The following CALCR variants were observed in gnomAD, a reference collection of about 807,000 sequenced individuals.
CALCR encodes the protein calcitonin receptor.
A neutral mutation model predicts 59.5 loss-of-function variants in CALCR; 47 were observed. The ratio of observed to expected loss-of-function variants is 0.79; its 90% CI spans 0.63 to 1.01. The LOEUF (loss-of-function observed/expected upper bound fraction) is 1.01. Among genes scored for constraint, CALCR ranks in the 50% least tolerant of loss-of-function variants. The pLI, the probability that CALCR is intolerant of heterozygous loss-of-function variation, is 0.00. For synonymous variants in CALCR, 213 were observed against 211.3 expected (o/e 1.01, Z -0.07); for missense variants, 566 against 597.1 (o/e 0.95, Z 0.54).
intron 9 of CALCR, among the ~76,000 whole-genome samples, chr7:93,442,370 TC>T (rs1799924951): frequency 6.6e-6 from 1 of 152,148 alleles, no homozygotes; most frequent in Non-Finnish European, 1.5e-5. Flanking sequence ...TATCGGATTA[TC>T]CCATTGGGCT....
chr7:93,472,837 A>AT (rs1205024011), intron 5 of CALCR, among the ~76,000 whole-genome samples: 21 of 151,798 alleles, frequency 1.4e-4, no homozygotes, highest in Non-Finnish European at 2.8e-4. Flanking sequence ...CTACCTCATA[A>AT]TTTTTTAACA....
At chr7:93,546,581 T>C (rs1026129935) in intron 2 of CALCR, among the ~76,000 whole-genome samples, 2 of 151,812 alleles carry the variant, frequency 1.3e-5, no homozygotes, top group African/African-American at 2.4e-5. Context: ...CTTTTCTTTT[T>C]TTTTTTTTTA....
In CALCR at chr7:93,491,673, C is replaced by A. The variant is rs147207592; in HGVS notation, c.-26-4666G>T. Among the ~76,000 whole-genome samples, 578 of 151,896 alleles carry A rather than the reference C, an allele frequency of 3.8e-3. 6 individuals are homozygous for A. Among genetic ancestry groups the A allele is most frequent in the South Asian group, 0.013 (65 of 4,816 alleles). Reference sequence around the variant, plus strand: ...TAAAGCTCAACATCACTGATCATTACAGAAATGTAAATCAAAACCACAGTG... The same window carrying A: ...TAAAGCTCAACATCACTGATCATTAAAGAAATGTAAATCAAAACCACAGTG... On this transcript the variant is annotated intron_variant, in intron 2 of 13. Coordinates refer to ENST00000426151, the MANE Select transcript of CALCR (RefSeq NM_001742.4).
At chr7:93,490,108 G>A (rs111531244) in intron 2 of CALCR, among the ~76,000 whole-genome samples, 7 of 151,858 alleles carry the variant, frequency 4.6e-5, no homozygotes, top group Admixed American at 2.6e-4. Context: ...TTCAACATAC[G>A]CAAATCAATA....
intron 2 of CALCR, among the ~76,000 whole-genome samples, chr7:93,514,188 T>C (rs548864550): frequency 6.6e-6 from 1 of 152,094 alleles, no homozygotes; most frequent in South Asian, 2.1e-4. Context: ...TATGCTCAAT[T>C]AAGAGATAAG....
chr7:93,496,444 C>T (rs1218962028), intron 2 of CALCR, among the ~76,000 whole-genome samples: 1 of 151,490 alleles, frequency 6.6e-6, no homozygotes, highest in East Asian at 1.9e-4. Flanking sequence ...ATGGCAATTT[C>T]TAAACCACTC....
intron 2 of CALCR, among the ~76,000 whole-genome samples, chr7:93,494,722 G>C (rs1801161249): frequency 6.6e-6 from 1 of 151,380 alleles, no homozygotes; most frequent in Admixed American, 6.6e-5. Context: ...TCCTGAGGAG[G>C]GGAGAAGAAA....
At chr7:93,551,107 T>G (rs948599904) in intron 2 of CALCR, among the ~76,000 whole-genome samples, 1 of 152,182 alleles carries the variant, frequency 6.6e-6, no homozygotes, top group Non-Finnish European at 1.5e-5. Flanking sequence ...TCAAAATATA[T>G]TTCTACAAAT....
intron 13 of CALCR, among the ~76,000 whole-genome samples, chr7:93,429,942 G>GC (rs1562924062): frequency 1.6e-4 from 15 of 92,514 alleles, no homozygotes; most frequent in Non-Finnish European, 3.4e-4. Context: ...TTGTTTTTTT[G>GC]TTTTTTTTTG....
chr7:93,542,376 T>C (rs1006306719), intron 2 of CALCR, among the ~76,000 whole-genome samples: 21 of 152,212 alleles, frequency 1.4e-4, no homozygotes, highest in Non-Finnish European at 1.3e-4. Context: ...AGTAGAAATA[T>C]AGTTTAAAAG....
chr7:93,456,880 C>T (rs1308907631), intron 8 of CALCR, among the ~76,000 whole-genome samples: 1 of 152,130 alleles, frequency 6.6e-6, no homozygotes, highest in East Asian at 1.9e-4. Flanking sequence ...CTGTTAATTT[C>T]TCTGGCTCCC....
intron 2 of CALCR, among the ~76,000 whole-genome samples, chr7:93,534,878 G>T (rs1788946163): frequency 6.6e-6 from 1 of 151,634 alleles, no homozygotes; most frequent in South Asian, 2.1e-4. Flanking sequence ...AAATACAAAA[G>T]ACAACATTTA....
At chr7:93,562,101 A>G (rs1789764156) in intron 2 of CALCR, among the ~76,000 whole-genome samples, 1 of 147,666 alleles carries the variant, frequency 6.8e-6, no homozygotes, top group Non-Finnish European at 1.5e-5. Context: ...CCTTCAATAA[A>G]TGTTAGTTTT....
intron 7 of CALCR, chr7:93,462,129 T>A: frequency 7.1e-7 from 1 of 1,401,970 alleles, no homozygotes; most frequent in Non-Finnish European, 9.7e-7. Context: ...AAAAGCAATT[T>A]AAGTAATAAA....
At chr7:93,431,620 T>C (rs1456188824) in intron 13 of CALCR, among the ~76,000 whole-genome samples, 1 of 152,188 alleles carries the variant, frequency 6.6e-6, no homozygotes, top group Admixed American at 6.5e-5. Context: ...GCTTTTTGAA[T>C]TGACTGAATA....
rs962184869 is a variant in CALCR at position 93,435,637 on chromosome 7, G to A, written c.1149+315C>T. ...AGCCTGGCCAACATGGTGAAACCCCGTCTACTAAAAATACAAAAATTAGCC... is the reference window on the plus strand; with the variant it reads ...AGCCTGGCCAACATGGTGAAACCCCATCTACTAAAAATACAAAAATTAGCC... On this transcript the variant is annotated intron_variant, in intron 12 of 13. Transcript: ENST00000426151. 6.6e-5 allele frequency among the ~76,000 whole-genome samples: 10 copies of A among 151,520 alleles called. No homozygotes were observed. In the East Asian group the frequency reaches 1.2e-3, roughly 18 times the overall value.
rs556919604 is a variant in CALCR at position 93,562,506 on chromosome 7, T to C, written c.-27+11783A>G. Among the ~76,000 whole-genome samples the C allele has an allele frequency of 8.5e-4, 129 of 152,320 alleles. 1 individual carries two copies. The highest frequency in any genetic ancestry group is 3.0e-3 in the African/African-American group (123 of 41,578). On this transcript the variant is annotated intron_variant, in intron 2 of 13. Coordinates refer to ENST00000426151, the MANE Select transcript of CALCR (RefSeq NM_001742.4). Reference sequence around the variant, plus strand: ...TTGGATATGAGTAAGATGAGTATGATGGTAAGACCAGACATACTTGCTTTC... The same window carrying C: ...TTGGATATGAGTAAGATGAGTATGACGGTAAGACCAGACATACTTGCTTTC...
intron 8 of CALCR, among the ~76,000 whole-genome samples, chr7:93,454,763 T>TTA (rs1554397050): frequency 1.3e-5 from 2 of 151,810 alleles, no homozygotes; most frequent in African/African-American, 4.8e-5. Context: ...TAACTTTTTT[T>TTA]AAAAAAAGAA....
chr7:93,538,260 A>G (rs1200181835), intron 2 of CALCR, among the ~76,000 whole-genome samples: 1 of 152,034 alleles, frequency 6.6e-6, no homozygotes, highest in Non-Finnish European at 1.5e-5. Context: ...GGCCTGGATA[A>G]CATATCTTTT....
Sources: allele counts gnomAD v4.1 joint callset (sites outside exome capture counted in the v4.1 genomes callset), GRCh38; gene constraint gnomAD v4.1.1; transcripts MANE v1.5; gene names NCBI Gene and HGNC (gene_info 2026-07-23, HGNC 2026-07-21).